YEATS4: variants seen among roughly 807,000 people sequenced by gnomAD.
YEATS4 encodes YEATS domain-containing protein 4.
A neutral mutation model predicts 30.1 loss-of-function variants in YEATS4; 17 were observed. The ratio of observed to expected loss-of-function variants is 0.56; its 90% CI spans 0.39 to 0.85. The LOEUF (loss-of-function observed/expected upper bound fraction) is 0.85. YEATS4 is among the 40% of genes least tolerant of loss of function. The pLI is 0.00. For missense variants in YEATS4, 142 were observed against 268.3 expected (o/e 0.53, Z 3.29); for synonymous variants, 85 against 87.5 (o/e 0.97, Z 0.16).
At chr12:69,374,916 G>A (rs1210113885) in intron 6 of YEATS4, among the ~76,000 whole-genome samples, 20 of 151,364 alleles carry the variant, frequency 1.3e-4, no homozygotes, top group African/African-American at 9.7e-5. Flanking sequence ...ACGGGGTGGC[G>A]GCCGGGCAGA....
chr12:69,373,751 G>A (rs909971356), intron 6 of YEATS4, among the ~76,000 whole-genome samples: 1 of 152,160 alleles, frequency 6.6e-6, no homozygotes, highest in Non-Finnish European at 1.5e-5. Flanking sequence ...TAGTTTAATA[G>A]TTTGAGATCT....
chr12:69,416,240 G>C, the YEATS4 span, among the ~76,000 whole-genome samples: 1 of 152,132 alleles, frequency 6.6e-6, no homozygotes, highest in Non-Finnish European at 1.5e-5. Flanking sequence ...TGAATCCATT[G>C]TTCTCCTCCC....
the YEATS4 span, among the ~76,000 whole-genome samples, chr12:69,416,176 C>T: frequency 2.0e-5 from 3 of 152,150 alleles, no homozygotes; most frequent in South Asian, 2.1e-4. Flanking sequence ...CTGCCACCAT[C>T]GCTCACCTGC....
At chr12:69,403,775 T>C in the YEATS4 span, among the ~76,000 whole-genome samples, 1 of 152,196 alleles carries the variant, frequency 6.6e-6, no homozygotes, top group Non-Finnish European at 1.5e-5. Flanking sequence ...TCCTTCACTT[T>C]GATACCCAAA....
the YEATS4 span, among the ~76,000 whole-genome samples, chr12:69,414,985 A>T: frequency 6.6e-6 from 1 of 152,198 alleles, no homozygotes; most frequent in African/African-American, 2.4e-5. Flanking sequence ...GGGGACAAAA[A>T]TCTGAGAAAT....
the YEATS4 span, among the ~76,000 whole-genome samples, chr12:69,426,827 C>T: frequency 6.6e-6 from 1 of 152,142 alleles, no homozygotes; most frequent in South Asian, 2.1e-4. Flanking sequence ...GAAGTGAGGT[C>T]TCAAGGGTAG....
chr12:69,372,540 T>TTTTTTTTTTG lies in YEATS4; in HGVS notation c.514+1574_514+1575insGTTTTTTTTT, dbSNP rs1875686281. Among the ~76,000 whole-genome samples, 40 of 148,390 alleles carry TTTTTTTTTTG rather than the reference T, an allele frequency of 2.7e-4. 1 individual carries two copies. In the South Asian group the frequency reaches 9.0e-3, roughly 33 times the overall value. ...CTCTGTTTTCTGTATCTCATGAGTT[T>TTTTTTTTTTG]TTTTTTTTTTTTGAGACAGAGCCTT... On this transcript the variant is annotated intron_variant, in intron 6 of 6. Transcript: ENST00000247843.
At chr12:69,405,715 A>G in the YEATS4 span, among the ~76,000 whole-genome samples, 2 of 152,344 alleles carry the variant, frequency 1.3e-5, no homozygotes, top group East Asian at 3.8e-4. Flanking sequence ...CCTGGGCAGG[A>G]TGGAGTGGAA....
the YEATS4 span, among the ~76,000 whole-genome samples, chr12:69,410,822 C>T: frequency 2.6e-4 from 39 of 152,168 alleles, no homozygotes; most frequent in Middle Eastern, 3.2e-3. Context: ...CACAGGGCCA[C>T]AGCCTAGACA....
At chr12:69,363,318 C>T (rs1449534058) in intron 2 of YEATS4, among the ~76,000 whole-genome samples, 1 of 151,958 alleles carries the variant, frequency 6.6e-6, no homozygotes, top group Admixed American at 6.6e-5. Context: ...TTTATAGTAA[C>T]TTTCTGATTA....
In YEATS4 at chr12:69,359,895, GCGGTCT is replaced by G. The variant is rs1456045603; in HGVS notation, c.-76_-71del. On this transcript the variant is annotated 5_prime_UTR_variant, in exon 1 of 7. Coordinates refer to ENST00000247843, the MANE Select transcript of YEATS4 (RefSeq NM_006530.4). The stretch of plus-strand genomic sequence containing the variant: ...CCGCCTGGGCCCGCGCGACAGGAGC[GCGGTCT>G]CTGAGGGGAGCGGCGACCCCGCCAG... 1.3e-6 allele frequency: 2 copies of G among 1,572,300 alleles called. No individual in the cohort carries two copies. Among genetic ancestry groups the G allele is most frequent in the African/African-American group, 2.7e-5 (2 of 73,540 alleles).
intron 6 of YEATS4, among the ~76,000 whole-genome samples, chr12:69,388,663 G>A (rs766118435): frequency 1.3e-5 from 2 of 152,214 alleles, no homozygotes; most frequent in Non-Finnish European, 2.9e-5. Context: ...CTGTTTTGCA[G>A]TAACATTTCT....
downstream of YEATS4, among the ~76,000 whole-genome samples, chr12:69,392,733 C>T (rs1012953465): frequency 2.6e-5 from 4 of 152,150 alleles, no homozygotes; most frequent in African/African-American, 7.2e-5. Context: ...GATTAAGGAA[C>T]TATAGCTTGG....
At chr12:69,381,769 G>A (rs923681305) in intron 6 of YEATS4, among the ~76,000 whole-genome samples, 3 of 152,216 alleles carry the variant, frequency 2.0e-5, no homozygotes, top group East Asian at 1.9e-4. Context: ...CTGACTTCCC[G>A]CAACATCTCT....
chr12:69,413,347 C>G, the YEATS4 span, among the ~76,000 whole-genome samples: 4 of 101,638 alleles, frequency 3.9e-5, no homozygotes, highest in Non-Finnish European at 8.0e-5. Context: ...GACCCTGTCT[C>G]TAAATGAAAA....
At chr12:69,369,999 C>CT (rs1489738870) in intron 4 of YEATS4, among the ~76,000 whole-genome samples, 1 of 152,132 alleles carries the variant, frequency 6.6e-6, no homozygotes, top group Non-Finnish European at 1.5e-5. Flanking sequence ...TATTTCATGA[C>CT]TTTTTTGAAG....
chr12:69,376,105 G>A (rs1033011753), intron 6 of YEATS4, among the ~76,000 whole-genome samples: 3 of 152,110 alleles, frequency 2.0e-5, no homozygotes, highest in African/African-American at 4.8e-5. Flanking sequence ...GGTGGCTCAC[G>A]CCTGTAATCC....
intron 6 of YEATS4, among the ~76,000 whole-genome samples, chr12:69,389,909 CTG>C (rs1405224596): frequency 6.6e-6 from 1 of 152,198 alleles, no homozygotes; most frequent in East Asian, 1.9e-4. Flanking sequence ...AAAATTTTAA[CTG>C]TGAGTTGGTG....
the YEATS4 span, among the ~76,000 whole-genome samples, chr12:69,405,342 A>G: frequency 6.6e-6 from 1 of 152,168 alleles, no homozygotes; most frequent in Non-Finnish European, 1.5e-5. Flanking sequence ...AACGACAATA[A>G]CTAATAATAA....
Sources: allele counts gnomAD v4.1 joint callset (sites outside exome capture counted in the v4.1 genomes callset), GRCh38; gene constraint gnomAD v4.1.1; transcripts MANE v1.5; gene names NCBI Gene and HGNC (gene_info 2026-07-23, HGNC 2026-07-21).